The following CLIC5 variants were observed in gnomAD, a reference collection of about 807,000 sequenced individuals.
The protein encoded by CLIC5 is CLIC family member 5.
CLIC5 carries 20 observed loss-of-function variants against 24.7 expected under a neutral mutation model. That is an observed-to-expected ratio of 0.81 (90% CI 0.57 to 1.18). CLIC5 has a LOEUF of 1.18. CLIC5 is among the 50% of genes most tolerant of loss of function. The pLI is 0.00. For missense variants in CLIC5, 341 were observed against 326.1 expected, an observed-to-expected ratio of 1.05 and a Z score of -0.35; for synonymous variants, 159 against 135.6, an observed-to-expected ratio of 1.17 and a Z score of -1.20.
chr6:45,961,609 T>A lies in CLIC5; in HGVS notation c.64-6365A>T, dbSNP rs1764843856. Among the ~76,000 whole-genome samples, 3 of 152,248 alleles carry A rather than the reference T, an allele frequency of 2.0e-5. No individual in the cohort carries two copies. The South Asian group carries it at 6.2e-4, about 32-fold the overall frequency. On this transcript the variant is annotated intron_variant, in intron 1 of 5. Transcript: ENST00000339561. ...ATAATATTTCCAGCTGCCCATTTTTTAATTAGTTAGTGTAAGTCAGACAAC... is the reference window on the plus strand; with the variant it reads ...ATAATATTTCCAGCTGCCCATTTTTAAATTAGTTAGTGTAAGTCAGACAAC...
chr6:46,107,323 A>G, the CLIC5 span, among the ~76,000 whole-genome samples: 36 of 152,310 alleles, frequency 2.4e-4, no homozygotes, highest in African/African-American at 7.9e-4. Flanking sequence ...GCAAGTGACC[A>G]CGGTGAGGCC....
intron 1 of CLIC5, among the ~76,000 whole-genome samples, chr6:46,003,415 C>T (rs985989604): frequency 6.6e-6 from 1 of 152,118 alleles, no homozygotes; most frequent in Non-Finnish European, 1.5e-5. Flanking sequence ...GGATAAATAC[C>T]TTTGCAAAAA....
At position 45,903,129 on chromosome 6, in the gene CLIC5, A is replaced by C; in HGVS notation, c.715T>G (p.Leu239Val). Reference sequence around the variant, plus strand: ...CGTTTGGCGACATCAGCGTAGGCCAACTCGATCTCACTGTCAGCTGCACAG... The same window carrying C: ...CGTTTGGCGACATCAGCGTAGGCCACCTCGATCTCACTGTCAGCTGCACAG... The part of the protein sequence containing the change: ...NTCAADSEIE[L>V]AYADVAKRLS... Residue 239 changes from leucine (L) to valine (V), a missense_variant, in exon 6 of 6, where the codon TTG (leucine) becomes GTG (valine). By Grantham distance (32) the Leu-to-Val change is conservative. Coordinates refer to ENST00000339561, the MANE Select transcript of CLIC5 (RefSeq NM_016929.5). 6.2e-7 allele frequency: 1 copy of C among 1,614,074 alleles called. No individual in the cohort carries two copies. Among genetic ancestry groups the C allele is most frequent in the Non-Finnish European group, 8.5e-7 (1 of 1,179,996 alleles).
At chr6:46,027,358 T>C (rs892421394) in intron 1 of CLIC5, among the ~76,000 whole-genome samples, 1 of 152,178 alleles carries the variant, frequency 6.6e-6, no homozygotes, top group African/African-American at 2.4e-5. Flanking sequence ...ACAGCATGTA[T>C]GATGGCCCTT....
At chr6:46,013,152 A>C (rs1271637944) in intron 1 of CLIC5, among the ~76,000 whole-genome samples, 2 of 152,240 alleles carry the variant, frequency 1.3e-5, no homozygotes, top group African/African-American at 4.8e-5. Flanking sequence ...AAAATGACCA[A>C]GTCATGACTA....
chr6:45,957,819 A>G (rs958736537), intron 1 of CLIC5, among the ~76,000 whole-genome samples: 7 of 152,092 alleles, frequency 4.6e-5, no homozygotes, highest in Non-Finnish European at 1.0e-4. Context: ...TGTTTGTTAA[A>G]CTCATGGGTT....
At chr6:46,026,791 AC>A (rs1044632156) in intron 1 of CLIC5, among the ~76,000 whole-genome samples, 4 of 152,044 alleles carry the variant, frequency 2.6e-5, no homozygotes, top group Non-Finnish European at 5.9e-5. Flanking sequence ...CCCACCCCTC[AC>A]CCCATTTCCA....
intron 1 of CLIC5, among the ~76,000 whole-genome samples, chr6:46,030,043 T>C (rs192561284): frequency 2.6e-5 from 4 of 152,266 alleles, no homozygotes; most frequent in African/African-American, 9.6e-5. Context: ...TCCAGTCCCC[T>C]CCTGAATTCA....
At chr6:46,058,071 G>A (rs1247394427) in intron 1 of CLIC5, among the ~76,000 whole-genome samples, 2 of 131,974 alleles carry the variant, frequency 1.5e-5, no homozygotes, top group Admixed American at 1.7e-4. Context: ...TATAACCATT[G>A]TGTATGTGTG....
Position 46,015,495 on chromosome 6 carries a change from G to T in CLIC5, c.48C>A (p.Ile16=). 1 of 1,559,796 alleles carries T rather than the reference G, an allele frequency of 6.4e-7. No individual in the cohort carries two copies. The highest frequency in any genetic ancestry group is 1.2e-5 in the South Asian group (1 of 83,938). ...TANGDDRDPE[I]ELFVKAGIDG... is the part of the protein sequence containing the mutation. ...CCCGACCTACCTTCACAAAGAGCTC[G>T]ATCTCGGGGTCCCTGTCGTCCCCGT... Residue 16 remains isoleucine (I), a synonymous_variant, in exon 1 of 6, where the codon ATC becomes ATA. Coordinates refer to ENST00000339561, the MANE Select transcript of CLIC5 (RefSeq NM_016929.5).
At chr6:46,038,224 T>C (rs1320855235) in intron 1 of CLIC5, among the ~76,000 whole-genome samples, 3 of 152,242 alleles carry the variant, frequency 2.0e-5, no homozygotes, top group Non-Finnish European at 1.5e-5. Context: ...ATAGATGTTT[T>C]GTCCAGTCAG....
At chr6:45,931,541 T>C (rs1478928404) in intron 4 of CLIC5, among the ~76,000 whole-genome samples, 3 of 152,178 alleles carry the variant, frequency 2.0e-5, no homozygotes, top group Non-Finnish European at 4.4e-5. Context: ...AAGGTGCACA[T>C]TTTTTTCACT....
intron 1 of CLIC5, among the ~76,000 whole-genome samples, chr6:46,025,060 T>C (rs147497884): frequency 7.8e-4 from 119 of 152,020 alleles, no homozygotes; most frequent in African/African-American, 2.6e-3. Flanking sequence ...CAAAAGAGAA[T>C]GTCTTATAGT....
chr6:45,902,964 G>A lies in CLIC5; in HGVS notation c.*124C>T. On this transcript the variant is annotated 3_prime_UTR_variant, in exon 6 of 6. Coordinates refer to ENST00000339561, the MANE Select transcript of CLIC5 (RefSeq NM_016929.5). ...GCAGGCTGGAGTTCCCATGATACCA[G>A]CAAGATGAGGCTTGATTATAAAAAG... 9.4e-7 allele frequency: 1 copy of A among 1,061,380 alleles called. No homozygotes were observed. The highest frequency in any genetic ancestry group is 1.5e-5 in the South Asian group (1 of 67,006). The allele number at this position is 1,061,380 out of a possible 1,614,324, so 65.7% of individuals were successfully genotyped here.
intron 4 of CLIC5, among the ~76,000 whole-genome samples, chr6:45,926,779 A>C (rs1489032471): frequency 6.6e-6 from 1 of 152,228 alleles, no homozygotes. Flanking sequence ...ATCCCACTTC[A>C]GCGAAGCCCG....
In CLIC5 at chr6:45,898,979, A is replaced by G. The variant is rs1313924001; in HGVS notation, c.*4109T>C. 2 of 152,228 alleles carry G rather than the reference A, an allele frequency of 1.3e-5. No homozygotes were observed. Among genetic ancestry groups the G allele is most frequent in the African/African-American group, 4.8e-5 (2 of 41,462 alleles). The allele number at this position is 152,228 out of a possible 1,614,324, so 9.4% of individuals were successfully genotyped here. On this transcript the variant is annotated 3_prime_UTR_variant, in exon 6 of 6. Coordinates refer to ENST00000339561, the MANE Select transcript of CLIC5 (RefSeq NM_016929.5). ...CGTATTTTATTTATTTTTGGTTGCA[A>G]GAAAGGAATTGGATCTATTTCTTTA... is the stretch of plus-strand genomic sequence containing the variant.
the CLIC5 span, among the ~76,000 whole-genome samples, chr6:46,120,982 A>T: frequency 6.6e-6 from 1 of 152,236 alleles, no homozygotes; most frequent in South Asian, 2.1e-4. Context: ...GACGGGGAGA[A>T]TGGAACCAAG....
chr6:46,069,742 T>C (rs1177880559), intron 1 of CLIC5, among the ~76,000 whole-genome samples: 2 of 152,046 alleles, frequency 1.3e-5, no homozygotes, highest in East Asian at 1.9e-4. Flanking sequence ...ATCATCCTAA[T>C]AGCAAAACCT....
In CLIC5 at chr6:45,929,029, G is replaced by T. The variant is rs377565972; in HGVS notation, c.406+12518C>A. Among the ~76,000 whole-genome samples the T allele has an allele frequency of 1.1e-4, 16 of 152,218 alleles. No individual in the cohort carries two copies. The East Asian group carries it at 2.9e-3, about 28-fold the overall frequency. On this transcript the variant is annotated intron_variant, in intron 4 of 5. Transcript: ENST00000339561. ...GGGAAATTCCACCACATGGAATGGT[G>T]TTGGTGGTCTCCGCTCTACTCCAGT... is the stretch of plus-strand genomic sequence containing the variant.
Sources: allele counts gnomAD v4.1 joint callset (sites outside exome capture counted in the v4.1 genomes callset), GRCh38; gene constraint gnomAD v4.1.1; transcripts MANE v1.5; gene names NCBI Gene and HGNC (gene_info 2026-07-23, HGNC 2026-07-21).